Variants in COL14A1 observed in about 807,000 individuals in gnomAD.
The protein encoded by COL14A1 is collagen alpha-1(XIV) chain.
A neutral mutation model predicts 230.3 loss-of-function variants in COL14A1; 136 were observed. That is an observed-to-expected ratio of 0.59 (90% confidence interval 0.51 to 0.68). The LOEUF is 0.68. Among genes scored for constraint, COL14A1 ranks in the 30% least tolerant of loss-of-function variants. The pLI, the probability that COL14A1 is intolerant of heterozygous loss-of-function variation, is 0.00. For missense variants in COL14A1, 1,976 were observed against 2,215.8 expected (o/e 0.89, Z 2.17); for synonymous variants, 792 against 784.1 (o/e 1.01, Z -0.17).
At position 120,247,718 on chromosome 8, in the gene COL14A1, T is replaced by C; in HGVS notation, c.2585T>C (p.Val862Ala). 6.2e-7 allele frequency: 1 copy of C among 1,614,126 alleles called. No homozygotes were observed. The highest frequency in any genetic ancestry group is 8.5e-7 in the Non-Finnish European group (1 of 1,179,980). The change falls in exon 21 of 48, where the codon GTC (valine) becomes GCC (alanine). Residue 862 changes from valine to alanine, a missense_variant. Physicochemically the swap from Val to Ala is moderately conservative, Grantham distance 64. This residue lies in a region of COL14A1 where 1,791 missense variants were observed against 2,019.5 expected (regional missense o/e 0.89). Transcript: ENST00000297848. ...TCCCCGGTGAAAGGCTATAGAATTGTCTACAAACCTGTCAGTGGTAAGTAA... is the reference window on the plus strand; with the variant it reads ...TCCCCGGTGAAAGGCTATAGAATTGCCTACAAACCTGTCAGTGGTAAGTAA... ...PSSPVKGYRI[V>A]YKPVSVPGPT...
intron 5 of COL14A1, among the ~76,000 whole-genome samples, chr8:120,193,210 A>G (rs1309131759): frequency 3.3e-5 from 5 of 152,082 alleles, no homozygotes; most frequent in East Asian, 1.9e-4. Context: ...ATGGTGATGT[A>G]CGGATAGGTT....
At chr8:120,266,073 T>G (rs1819493198) in intron 24 of COL14A1, among the ~76,000 whole-genome samples, 1 of 152,060 alleles carries the variant, frequency 6.6e-6, no homozygotes, top group Admixed American at 6.6e-5. Context: ...CTTAAATCTT[T>G]AGTGTCAAAT....
chr8:120,345,139 G>A (rs1169755206), intron 44 of COL14A1, among the ~76,000 whole-genome samples: 1 of 152,170 alleles, frequency 6.6e-6, no homozygotes, highest in Non-Finnish European at 1.5e-5. Context: ...GCTGACATGA[G>A]CTGCAGAATT....
intron 2 of COL14A1, among the ~76,000 whole-genome samples, chr8:120,153,603 C>A (rs1219801288): frequency 6.6e-6 from 1 of 152,108 alleles, no homozygotes; most frequent in Non-Finnish European, 1.5e-5. Flanking sequence ...AACTTAGCAT[C>A]CTAAAATATG....
In COL14A1 at chr8:120,209,771, C is replaced by A; in HGVS notation, c.1337C>A (p.Ala446Asp). The A allele has an allele frequency of 6.2e-7, 1 of 1,611,796 alleles. No homozygotes were observed. The change falls in exon 12 of 48, where the codon GCT becomes GAT. Residue 446 changes from alanine (A) to aspartate (D), a missense_variant. Physicochemically the swap from Ala to Asp is moderately radical, Grantham distance 126. Coordinates refer to ENST00000297848, the MANE Select transcript of COL14A1 (RefSeq NM_021110.4). ...GTETTLALPMASDLLLYDVTE... is the reference protein window; with the variant it reads ...GTETTLALPMDSDLLLYDVTE... ...TCTCTTGCAGTTGCTTTACCGATGGCTTCTGACCTTCTACTGTACGACGTG... is the reference window on the plus strand; with the variant it reads ...TCTCTTGCAGTTGCTTTACCGATGGATTCTGACCTTCTACTGTACGACGTG...
At chr8:120,338,045 C>T (rs539276595) in intron 42 of COL14A1, among the ~76,000 whole-genome samples, 5 of 152,282 alleles carry the variant, frequency 3.3e-5, no homozygotes, top group South Asian at 2.1e-4. Context: ...CTCCATTTAC[C>T]ATGTCAATCA....
intron 23 of COL14A1, among the ~76,000 whole-genome samples, chr8:120,260,430 T>C (rs1163027576): frequency 6.6e-6 from 1 of 152,166 alleles, no homozygotes; most frequent in East Asian, 1.9e-4. Flanking sequence ...TGCTTTTATA[T>C]ATTGTAGATT....
intron 38 of COL14A1, among the ~76,000 whole-genome samples, chr8:120,315,294 C>T (rs1352146318): frequency 1.3e-5 from 2 of 149,258 alleles, no homozygotes; most frequent in African/African-American, 4.9e-5. Flanking sequence ...AGCTTGGACC[C>T]AGGAGGCAGA....
At chr8:120,355,447 C>T (rs1423231162) in intron 45 of COL14A1, among the ~76,000 whole-genome samples, 1 of 151,560 alleles carries the variant, frequency 6.6e-6, no homozygotes, top group African/African-American at 2.4e-5. Context: ...GCTTTGTCCC[C>T]CAGACTGGAT....
In COL14A1 at chr8:120,371,212, T is replaced by A. The variant is rs759747544; in HGVS notation, c.5372T>A (p.Leu1791Gln). 2.5e-6 allele frequency: 4 copies of A among 1,611,534 alleles called. No individual in the cohort carries two copies. The Admixed American group carries it at 6.7e-5, about 27-fold the overall frequency. ...PVQDELEAME[L>Q]WGPGV ...CAAGATGAGCTGGAAGCCATGGAACTGTGGGGCCCTGGAGTCTGATAGCCT... is the reference window on the plus strand; with the variant it reads ...CAAGATGAGCTGGAAGCCATGGAACAGTGGGGCCCTGGAGTCTGATAGCCT... Residue 1791 changes from leucine to glutamine, a missense_variant, in exon 48 of 48, where the codon CTG becomes CAG. Leu to Gln is a moderately radical substitution (Grantham distance 113, BLOSUM62 -2). This residue lies in a region of COL14A1 where 1,791 missense variants were observed against 2,019.5 expected (regional missense o/e 0.89). Transcript: ENST00000297848.
chr8:120,129,890 T>G (rs536869224), intron 1 of COL14A1, among the ~76,000 whole-genome samples: 2 of 152,342 alleles, frequency 1.3e-5, no homozygotes, highest in African/African-American at 4.8e-5. Context: ...TGTGTTGAAC[T>G]TTCTTGAATA....
chr8:120,289,382 C>A (rs537881057), intron 33 of COL14A1, among the ~76,000 whole-genome samples: 71 of 152,126 alleles, frequency 4.7e-4, no homozygotes, highest in African/African-American at 1.7e-3. Flanking sequence ...CCTTTCAAAG[C>A]CATTTTAGAA....
At chr8:120,258,834 C>G (rs972133672) in intron 23 of COL14A1, among the ~76,000 whole-genome samples, 1 of 152,122 alleles carries the variant, frequency 6.6e-6, no homozygotes, top group African/African-American at 2.4e-5. Flanking sequence ...TCTGCAGATG[C>G]TATGGGATTT....
Position 120,254,998 on chromosome 8 carries a change from A to C in COL14A1, c.2753-242A>C, listed in dbSNP as rs115637325. 7.5e-3 allele frequency among the ~76,000 whole-genome samples: 1,146 copies of C among 152,214 alleles called. 11 individuals carry two copies. Among genetic ancestry groups the C allele is most frequent in the African/African-American group, 0.025 (1,054 of 41,506 alleles). Reference sequence around the variant, plus strand: ...CAGAGCAAGACCCCATCTCAAAACAAACAAACAACAAACAAATAAGAAAAA... The same window carrying C: ...CAGAGCAAGACCCCATCTCAAAACACACAAACAACAAACAAATAAGAAAAA... On this transcript the variant is annotated intron_variant, in intron 22 of 47. Transcript: ENST00000297848.
At chr8:120,259,999 C>A (rs1819273661) in intron 23 of COL14A1, among the ~76,000 whole-genome samples, 1 of 152,100 alleles carries the variant, frequency 6.6e-6, no homozygotes, top group Non-Finnish European at 1.5e-5. Context: ...ACCCATTTCA[C>A]ATAATATATA....
intron 45 of COL14A1, among the ~76,000 whole-genome samples, chr8:120,359,165 C>T (rs368929948): frequency 2.9e-4 from 44 of 152,010 alleles, no homozygotes; most frequent in African/African-American, 8.9e-4. Flanking sequence ...CCTATCGACC[C>T]GTCATCTAGG....
At chr8:120,366,248 C>T (rs1476608999) in intron 45 of COL14A1, among the ~76,000 whole-genome samples, 3 of 152,236 alleles carry the variant, frequency 2.0e-5, no homozygotes, top group Non-Finnish European at 1.5e-5. Flanking sequence ...CAAGGCCTTT[C>T]CATGCCTGCT....
intron 42 of COL14A1, among the ~76,000 whole-genome samples, chr8:120,335,843 G>A (rs1237094936): frequency 1.3e-5 from 2 of 152,162 alleles, no homozygotes; most frequent in South Asian, 2.1e-4. Context: ...GCACACGAAC[G>A]AAGGAGCTGC....
At chr8:120,252,583 A>C (rs1424411424) in intron 22 of COL14A1, among the ~76,000 whole-genome samples, 3 of 152,192 alleles carry the variant, frequency 2.0e-5, no homozygotes, top group Non-Finnish European at 4.4e-5. Flanking sequence ...CCTTGGGCAA[A>C]TTGCTTAACT....
Sources: gnomAD v4.1 joint callset for allele counts (sites outside exome capture counted in the v4.1 genomes callset) on GRCh38, gnomAD v4.1.1 for gene constraint, gnomAD v4.1.1 regional missense constraint, MANE v1.5 for transcripts, NCBI Gene and HGNC (gene_info 2026-07-23, HGNC 2026-07-21) for gene names.